ACBD6: variants seen among roughly 807,000 people sequenced by gnomAD.
ACBD6 encodes the protein acyl-CoA-binding domain-containing protein 6.
In ACBD6, 28 loss-of-function variants were observed where a neutral mutation model predicts 37.2. The ratio of observed to expected loss-of-function variants is 0.75; its 90% CI spans 0.56 to 1.03. The LOEUF (loss-of-function observed/expected upper bound fraction) is 1.03. Among genes scored for constraint, ACBD6 ranks in the 50% least tolerant of loss-of-function variants. The probability of loss-of-function intolerance (pLI) is 0.00; values close to 1 mark genes in which losing one functional copy is unlikely to be tolerated. For missense variants in ACBD6, 340 were observed against 337.4 expected (o/e 1.01, Z -0.06); for synonymous variants, 113 against 126.8 (o/e 0.89, Z 0.73).
chr1:180,349,156 A>AT (rs1160605127), intron 6 of ACBD6, among the ~76,000 whole-genome samples: 8 of 151,952 alleles, frequency 5.3e-5, no homozygotes, highest in African/African-American at 1.9e-4. Flanking sequence ...TTATTTACTT[A>AT]TAAAAAAATA....
At chr1:180,299,568 T>TTTTTA (rs1650049373) in intron 7 of ACBD6, among the ~76,000 whole-genome samples, 1 of 152,156 alleles carries the variant, frequency 6.6e-6, no homozygotes, top group African/African-American at 2.4e-5. Context: ...TTTCTTTTTT[T>TTTTTA]TTTTATTTTA....
chr1:180,468,161 G>A (rs559520213), intron 3 of ACBD6, among the ~76,000 whole-genome samples: 11 of 152,182 alleles, frequency 7.2e-5, no homozygotes, highest in Admixed American at 5.2e-4. Flanking sequence ...AAGGAAGAAA[G>A]AAAAAAGGAA....
At chr1:180,310,633 C>A (rs1266180202) in intron 7 of ACBD6, among the ~76,000 whole-genome samples, 2 of 152,118 alleles carry the variant, frequency 1.3e-5, no homozygotes, top group Non-Finnish European at 2.9e-5. Flanking sequence ...TGTTCTAAAT[C>A]ATGTTTCATT....
At chr1:180,302,519 T>C (rs1275747917) in intron 7 of ACBD6, among the ~76,000 whole-genome samples, 1 of 152,182 alleles carries the variant, frequency 6.6e-6, no homozygotes, top group African/African-American at 2.4e-5. Flanking sequence ...GTCTGTTTTA[T>C]CAGAGACTAG....
chr1:180,343,389 G>A lies in ACBD6; in HGVS notation c.664-28667C>T, dbSNP rs149052581. On this transcript the variant is annotated intron_variant, in intron 6 of 7. Transcript: ENST00000367595. ...GACTCAGATTCTCAAACAAGGAAAGGCAAGAAGTACCCATAATCCTCCTAA... is the reference window on the plus strand; with the variant it reads ...GACTCAGATTCTCAAACAAGGAAAGACAAGAAGTACCCATAATCCTCCTAA... 2.6e-3 allele frequency among the ~76,000 whole-genome samples: 398 copies of A among 152,076 alleles called. 6 individuals carry two copies. The East Asian group carries it at 0.033, about 12-fold the overall frequency.
chr1:180,386,312 T>C (rs1277656860), intron 6 of ACBD6, among the ~76,000 whole-genome samples: 1 of 152,222 alleles, frequency 6.6e-6, no homozygotes. Flanking sequence ...GCATCTGCAG[T>C]GTACTTTTTC....
chr1:180,459,742 T>C (rs1650058931), intron 3 of ACBD6, among the ~76,000 whole-genome samples: 1 of 152,222 alleles, frequency 6.6e-6, no homozygotes, highest in South Asian at 2.1e-4. Flanking sequence ...TTCTAAATTC[T>C]ATTAAATGAG....
chr1:180,464,028 A>C (rs1650251373), intron 3 of ACBD6, among the ~76,000 whole-genome samples: 1 of 152,214 alleles, frequency 6.6e-6, no homozygotes, highest in African/African-American at 2.4e-5. Context: ...AACTCTCAAT[A>C]AACTAGGTGT....
chr1:180,440,602 T>C (rs1332634964), intron 3 of ACBD6, among the ~76,000 whole-genome samples: 1 of 150,768 alleles, frequency 6.6e-6, no homozygotes, highest in Non-Finnish European at 1.5e-5. Context: ...TCACTCCCCA[T>C]TCCCCTCTCC....
In ACBD6 at chr1:180,311,770, G is replaced by C. The variant is rs529591454; in HGVS notation, c.694+2922C>G. Among the ~76,000 whole-genome samples, 6 of 152,220 alleles carry C rather than the reference G, an allele frequency of 3.9e-5. No homozygotes were observed. In the East Asian group the frequency reaches 1.2e-3, roughly 29 times the overall value. On this transcript the variant is annotated intron_variant, in intron 7 of 7. Coordinates refer to ENST00000367595, the MANE Select transcript of ACBD6 (RefSeq NM_032360.4). ...AAGACAGAAAGGAGGGAGTAATCTT[G>C]GTTCAAATATCACAAAGTTTTCCTT... is the stretch of plus-strand genomic sequence containing the variant.
At chr1:180,401,696 G>A (rs1046449369) in intron 5 of ACBD6, among the ~76,000 whole-genome samples, 1 of 151,330 alleles carries the variant, frequency 6.6e-6, no homozygotes, top group African/African-American at 2.4e-5. Context: ...GTGAAGGCAG[G>A]AGAATCGCCT....
chr1:180,387,829 T>A (rs1488723682), intron 6 of ACBD6, among the ~76,000 whole-genome samples: 2 of 152,166 alleles, frequency 1.3e-5, no homozygotes, highest in African/African-American at 4.8e-5. Context: ...CATTGGTATT[T>A]CTGGGTTGTG....
At chr1:180,484,570 A>C (rs923187684) in intron 3 of ACBD6, among the ~76,000 whole-genome samples, 7 of 152,208 alleles carry the variant, frequency 4.6e-5, no homozygotes, top group African/African-American at 1.2e-4. Flanking sequence ...TTGGAATTAC[A>C]GGTATGAATA....
chr1:180,413,479 A>T lies in ACBD6; in HGVS notation c.468-8T>A. ...ATATTTTTGTCTTCTTCCCTAGAAT[A>T]AAAAAAAGAAAGGTCTTTTTTTACT... On this transcript the variant is annotated splice_region_variant and splice_polypyrimidine_tract_variant and intron_variant, in intron 4 of 7. Transcript: ENST00000367595. 1 of 1,569,756 alleles carries T rather than the reference A, an allele frequency of 6.4e-7. No individual in the cohort carries two copies.
intron 3 of ACBD6, among the ~76,000 whole-genome samples, chr1:180,476,996 A>G (rs1557886789): frequency 6.6e-6 from 1 of 152,204 alleles, no homozygotes; most frequent in Non-Finnish European, 1.5e-5. Context: ...AATGCTTTGT[A>G]TAACATTATA....
chr1:180,435,189 G>T, intron 3 of ACBD6: 2 of 685,074 alleles, frequency 2.9e-6, no homozygotes, highest in Non-Finnish European at 2.7e-6. Context: ...TTTCAACATC[G>T]CTGGCCTTTC....
intron 6 of ACBD6, among the ~76,000 whole-genome samples, chr1:180,333,949 G>A (rs1009385941): frequency 1.3e-5 from 2 of 152,230 alleles, no homozygotes; most frequent in Non-Finnish European, 2.9e-5. Flanking sequence ...AAACTGCAAG[G>A]CGGCAGTGAG....
downstream of ACBD6, among the ~76,000 whole-genome samples, chr1:180,283,664 AC>A (rs1339160549): frequency 2.0e-5 from 3 of 152,336 alleles, no homozygotes; most frequent in Middle Eastern, 0.01. Context: ...TGAAATAATT[AC>A]ATTTGTTTTG....
At chr1:180,393,069 C>G (rs1011174557) in intron 6 of ACBD6, among the ~76,000 whole-genome samples, 2 of 152,090 alleles carry the variant, frequency 1.3e-5, no homozygotes, top group Admixed American at 1.3e-4. Flanking sequence ...CAAAGTTACT[C>G]AAGAAGTCAG....
Sources: gnomAD v4.1 joint callset for allele counts (sites outside exome capture counted in the v4.1 genomes callset) on GRCh38, gnomAD v4.1.1 for gene constraint, MANE v1.5 for transcripts, NCBI Gene and HGNC (gene_info 2026-07-23, HGNC 2026-07-21) for gene names.